The following GPLD1 variants were observed in gnomAD, a reference collection of about 807,000 sequenced individuals.
The protein encoded by GPLD1 is phosphatidylinositol-glycan-specific phospholipase D.
GPLD1 carries 84 observed loss-of-function variants against 112.6 expected under a neutral mutation model. The ratio of observed to expected loss-of-function variants is 0.75; its 90% CI spans 0.63 to 0.89. GPLD1 has a LOEUF of 0.89. GPLD1 is among the 40% of genes least tolerant of loss of function. The probability of loss-of-function intolerance (pLI) is 0.00; values close to 1 mark genes in which losing one functional copy is unlikely to be tolerated. For missense variants in GPLD1, 1,044 were observed against 1,051.5 expected (o/e 0.99, Z 0.10); for synonymous variants, 386 against 403.8 (o/e 0.96, Z 0.53).
intron 20 of GPLD1, among the ~76,000 whole-genome samples, chr6:24,438,384 G>A (rs554496680): frequency 1.3e-5 from 2 of 152,312 alleles, no homozygotes; most frequent in South Asian, 4.1e-4. Flanking sequence ...TGGGTTGATG[G>A]GGCTAGTGGC....
intron 12 of GPLD1, among the ~76,000 whole-genome samples, chr6:24,457,424 T>A (rs1308219669): frequency 1.3e-5 from 2 of 152,064 alleles, no homozygotes; most frequent in African/African-American, 4.8e-5. Context: ...GAGGCTGCAA[T>A]GAGCTGAGAT....
At chr6:24,493,437 C>G (rs1764606874), upstream of GPLD1, among the ~76,000 whole-genome samples, 1 of 152,198 alleles carries the variant, frequency 6.6e-6, no homozygotes, top group African/African-American at 2.4e-5. Flanking sequence ...AATCGCACCA[C>G]TGCACTCCAC....
At position 24,446,899 on chromosome 6, in the gene GPLD1, C is replaced by A. The variant is rs2127330800; in HGVS notation, c.1759G>T (p.Val587Phe). The A allele has an allele frequency of 6.2e-7, 1 of 1,614,124 alleles. No individual in the cohort carries two copies. The highest frequency in any genetic ancestry group is 1.1e-5 in the South Asian group (1 of 91,078). ...AGCAAGGTTCTGTTGTCCACAGTGA[C>A]ACCGTGAAGGGAATATCCAAACCAG... Reference protein sequence around the residue: ...FSWFGYSLHGVTVDNRTLLLV... With the variant: ...FSWFGYSLHGFTVDNRTLLLV... The change falls in exon 18 of 25, where the codon GTC becomes TTC. Residue 587 changes from valine (V) to phenylalanine (F), a missense_variant. Transcript: ENST00000230036.
chr6:24,476,135 G>C, intron 4 of GPLD1, 46 bp downstream of exon 4: 1 of 1,028,956 alleles, frequency 9.7e-7, no homozygotes, highest in East Asian at 2.6e-5. Flanking sequence ...ACAGTGCATG[G>C]CAGGTTTGGT....
upstream of GPLD1, among the ~76,000 whole-genome samples, chr6:24,489,800 C>T (rs2235502): frequency 0.029 from 4,416 of 152,172 alleles, 109 homozygotes; most frequent in South Asian, 0.098. Context: ...ATCTTCTGAC[C>T]GAGGTTTTTT....
chr6:24,483,990 C>T (rs1337724444), intron 2 of GPLD1, among the ~76,000 whole-genome samples: 1 of 152,100 alleles, frequency 6.6e-6, no homozygotes, highest in Non-Finnish European at 1.5e-5. Flanking sequence ...ATCTCCGCTC[C>T]CTGCAAGCTC....
chr6:24,495,153 G>C, exon 1 of GPLD1: 1 of 1,432,974 alleles, frequency 7.0e-7, no homozygotes, highest in Non-Finnish European at 9.1e-7. Context: ...GCGCCTGGCG[G>C]GCCTCTCTGC....
At chr6:24,457,169 G>C (rs1561842284) in intron 12 of GPLD1, among the ~76,000 whole-genome samples, 1 of 152,134 alleles carries the variant, frequency 6.6e-6, no homozygotes, top group Non-Finnish European at 1.5e-5. Context: ...CCATGCCCAG[G>C]GGACTAAAAT....
At chr6:24,434,201 C>A (rs1762498157) in intron 22 of GPLD1, among the ~76,000 whole-genome samples, 1 of 151,880 alleles carries the variant, frequency 6.6e-6, no homozygotes, top group South Asian at 2.1e-4. Flanking sequence ...AGTTCGAGAC[C>A]AGCTTGGCCA....
At chr6:24,468,474 C>T (rs1763691140) in intron 7 of GPLD1, among the ~76,000 whole-genome samples, 1 of 152,188 alleles carries the variant, frequency 6.6e-6, no homozygotes, top group South Asian at 2.1e-4. Context: ...TCATAGCTAC[C>T]TATGACCTGG....
rs886061268 is a variant in GPLD1, at chr6:24,495,204, C to T, written n.2G>A. 8.6e-6 allele frequency: 13 copies of T among 1,507,460 alleles called. 1 individual carries two copies. Among genetic ancestry groups the T allele is most frequent in the Middle Eastern group, 2.3e-4 (1 of 4,326 alleles). The allele number at this position is 1,507,460 out of a possible 1,614,324, so 93.4% of individuals were successfully genotyped here. On this transcript the variant is annotated non_coding_transcript_exon_variant, in exon 1 of 11. Transcript: ENST00000474784. ...CGACAGCTTCGTGGGCGGCCGCTGG[C>T]TCCCGGCCGCCGCCACCTTCCCCGT...
chr6:24,471,065 T>C (rs2127358423), intron 7 of GPLD1, among the ~76,000 whole-genome samples: 1 of 152,308 alleles, frequency 6.6e-6, no homozygotes, highest in African/African-American at 2.4e-5. Flanking sequence ...AAAGAAGGAC[T>C]AGTTATAAGA....
Position 24,481,341 on chromosome 6 carries a change from C to CT in GPLD1, c.154-1383_154-1382insA, listed in dbSNP as rs1489629231. Among the ~76,000 whole-genome samples, 347 of 139,948 alleles carry CT rather than the reference C, an allele frequency of 2.5e-3. 4 individuals carry two copies. Among genetic ancestry groups the CT allele is most frequent in the African/African-American group, 9.7e-3 (300 of 30,808 alleles). The allele number at this position is 139,948 out of a possible 152,430, so 91.8% of individuals were successfully genotyped here. A position where few individuals can be genotyped will look rare whatever the true frequency, so the allele number is the denominator to read the frequency against. Reference sequence around the variant, plus strand: ...AAAGTAAAAGTTTGGCAATATCCCGCCCTTTTTTTTTTTTTTTTAAATAAG... The same window carrying CT: ...AAAGTAAAAGTTTGGCAATATCCCGCTCCTTTTTTTTTTTTTTTTAAATAAG... On this transcript the variant is annotated intron_variant, in intron 2 of 24. Coordinates refer to ENST00000230036, the MANE Select transcript of GPLD1 (RefSeq NM_001503.4).
At chr6:24,489,681 T>TC (rs1764502382), upstream of GPLD1, 1 of 1,135,692 alleles carries the variant, frequency 8.8e-7, no homozygotes, top group African/African-American at 1.6e-5. Context: ...AAGTCAACTG[T>TC]CCAACTACTG....
intron 20 of GPLD1, among the ~76,000 whole-genome samples, chr6:24,442,736 G>A (rs571331897): frequency 1.1e-4 from 16 of 148,156 alleles, no homozygotes; most frequent in Middle Eastern, 3.5e-3. Flanking sequence ...GAGCCACTGC[G>A]CCTGGCCCAA....
At chr6:24,447,343 TAAAAATAC>T (rs1762942619) in intron 17 of GPLD1, among the ~76,000 whole-genome samples, 1 of 151,940 alleles carries the variant, frequency 6.6e-6, no homozygotes, top group Non-Finnish European at 1.5e-5. Context: ...CCGTCTCTAC[TAAAAATAC>T]AAAAATTAGC....
intron 3 of GPLD1, among the ~76,000 whole-genome samples, chr6:24,479,458 G>A (rs188694777): frequency 6.6e-6 from 1 of 152,280 alleles, no homozygotes; most frequent in East Asian, 1.9e-4. Context: ...TAATGCCAAG[G>A]ACAATCCAGT....
chr6:24,473,995 G>C (rs1002302907), intron 5 of GPLD1, among the ~76,000 whole-genome samples: 3 of 151,828 alleles, frequency 2.0e-5, no homozygotes, highest in African/African-American at 4.8e-5. Context: ...GCATGGTGGC[G>C]GGTTCTGGTA....
intron 7 of GPLD1, 48 bp downstream of exon 7, chr6:24,472,534 T>C (rs1763858324): frequency 9.4e-7 from 1 of 1,064,526 alleles, no homozygotes; most frequent in Non-Finnish European, 1.5e-6. Context: ...AAGTCAAGGC[T>C]CTAAATGCCA....
Sources: gnomAD v4.1 joint callset for allele counts (sites outside exome capture counted in the v4.1 genomes callset) on GRCh38, gnomAD v4.1.1 for gene constraint, MANE v1.5 for transcripts, NCBI Gene and HGNC (gene_info 2026-07-23, HGNC 2026-07-21) for gene names.